Variants in TTK observed in about 807,000 individuals in gnomAD.
The protein encoded by TTK is TTK protein kinase.
TTK carries 59 observed loss-of-function variants against 117.3 expected under a neutral mutation model. The observed-to-expected ratio is 0.50, with a 90% CI of 0.41 to 0.62. TTK has a LOEUF of 0.62. TTK is among the 20% of genes least tolerant of loss of function. TTK has a pLI of 0.00. For missense variants in TTK, 921 were observed against 989.4 expected, an observed-to-expected ratio of 0.93 and a Z score of 0.93; for synonymous variants, 302 against 325.0, an observed-to-expected ratio of 0.93 and a Z score of 0.76.
chr6:80,036,647 T>C (rs1307194448), intron 17 of TTK, 48 bp downstream of exon 17: 1 of 1,543,624 alleles, frequency 6.5e-7, no homozygotes, highest in Admixed American at 2.1e-5. Context: ...ATTCTTTTTT[T>C]ACCTGTGAAG....
At chr6:80,023,138 G>C (rs1227859825) in intron 11 of TTK, among the ~76,000 whole-genome samples, 1 of 152,106 alleles carries the variant, frequency 6.6e-6, no homozygotes, top group Non-Finnish European at 1.5e-5. Context: ...AGTAAATATA[G>C]TAAAGGCTTT....
At chr6:80,034,612 A>T (rs2127682127) in intron 14 of TTK, among the ~76,000 whole-genome samples, 1 of 152,280 alleles carries the variant, frequency 6.6e-6, no homozygotes, top group South Asian at 2.1e-4. Flanking sequence ...AAAGGAGCAA[A>T]CTACTGCACC....
At chr6:80,028,279 T>C (rs1767659397) in intron 13 of TTK, among the ~76,000 whole-genome samples, 1 of 149,206 alleles carries the variant, frequency 6.7e-6, no homozygotes, top group African/African-American at 2.5e-5. Flanking sequence ...TGAATCAAGG[T>C]TACCTTTTAT....
chr6:80,032,276 T>C (rs1328437857), intron 14 of TTK, among the ~76,000 whole-genome samples: 1 of 152,268 alleles, frequency 6.6e-6, no homozygotes, highest in East Asian at 1.9e-4. Context: ...GCAGTGAAGC[T>C]TTTTTCCGCA....
chr6:80,006,075 CAT>C (rs745728913), intron 2 of TTK, 93 bp downstream of exon 2: 3 of 1,484,060 alleles, frequency 2.0e-6, no homozygotes, highest in South Asian at 2.4e-5. Context: ...ATAATTTACT[CAT>C]GTGTTTATTG....
In TTK at chr6:80,005,743, A is replaced by G. The variant is rs946605202; in HGVS notation, c.-2-99A>G. The G allele has an allele frequency of 2.9e-6, 4 of 1,392,290 alleles. No homozygotes were observed. In the Admixed American group the frequency reaches 9.1e-5, roughly 32 times the overall value. The allele number at this position is 1,392,290 out of a possible 1,614,324, so 86.2% of individuals were successfully genotyped here. A position where few individuals can be genotyped will look rare whatever the true frequency, so the allele number is the denominator to read the frequency against. ...ATAGCTGCATTTAGATGTGTTCACA[A>G]AACGAATGCTTTAGTCGTCTGGGTT... On this transcript the variant is annotated intron_variant, in intron 1 of 21. Coordinates refer to ENST00000369798, the MANE Select transcript of TTK (RefSeq NM_003318.5).
intron 13 of TTK, among the ~76,000 whole-genome samples, chr6:80,028,629 T>C (rs1004984080): frequency 6.6e-6 from 1 of 152,142 alleles, no homozygotes; most frequent in African/African-American, 2.4e-5. Flanking sequence ...GCGTTACTTT[T>C]TGTTGTGTTT....
At chr6:80,006,901 A>T (rs1321104919) in intron 2 of TTK, among the ~76,000 whole-genome samples, 1 of 152,184 alleles carries the variant, frequency 6.6e-6, no homozygotes, top group Non-Finnish European at 1.5e-5. Flanking sequence ...ATAAAAGTAA[A>T]GATGTAGGCT....
rs774853711 is a variant in TTK, at chr6:80,014,505, G to A, written c.1027G>A (p.Glu343Lys). 3 of 1,609,904 alleles carry A rather than the reference G, an allele frequency of 1.9e-6. No individual in the cohort carries two copies. The highest frequency in any genetic ancestry group is 2.5e-6 in the Non-Finnish European group (3 of 1,177,924). The change falls in exon 10 of 22, where the codon GAA becomes AAA. Residue 343 changes from glutamate (E) to lysine (K), a missense_variant. Physicochemically the swap from Glu to Lys is moderately conservative, Grantham distance 56. Transcript: ENST00000369798. ...SHFKEPLVSD[E>K]KSSELIITDS... is the part of the protein sequence containing the mutation. ...TTTCAAGGAACCTCTGGTGTCAGAT[G>A]AAAAGAGTTCTGAACTTATTATTAC...
In TTK at chr6:80,005,979, A is replaced by G. The variant is rs368624175; in HGVS notation, c.136A>G (p.Thr46Ala). The change falls in exon 2 of 22, where the codon ACA becomes GCA. Residue 46 changes from threonine to alanine, a missense_variant. Thr to Ala is a moderately conservative substitution (Grantham distance 58, BLOSUM62 0). Transcript: ENST00000369798. ...CTTGAATAAAATTTCTGCTGATACT[A>G]CAGGTGAGTTTTTCTTTTCTTTTAA... is the stretch of plus-strand genomic sequence containing the variant. ...LSLNKISADT[T>A]DNSGTVNQIM... The G allele has an allele frequency of 8.1e-6, 13 of 1,601,770 alleles. No homozygotes were observed. The Admixed American group carries it at 2.0e-4, about 24-fold the overall frequency.
Position 80,036,561 on chromosome 6 carries a change from A to G in TTK, c.2011A>G (p.Met671Val). Residue 671 changes from methionine to valine, a missense_variant, in exon 17 of 22, where the codon ATG (methionine) becomes GTG (valine). Coordinates refer to ENST00000369798, the MANE Select transcript of TTK (RefSeq NM_003318.5). ...AATTGATTTTGGGATTGCAAACCAAATGCAACCAGATACAACAAGTGTTGT... is the reference window on the plus strand; with the variant it reads ...AATTGATTTTGGGATTGCAAACCAAGTGCAACCAGATACAACAAGTGTTGT... ...KLIDFGIANQ[M>V]QPDTTSVVKD... The G allele has an allele frequency of 6.2e-7, 1 of 1,611,648 alleles. No homozygotes were observed. Among genetic ancestry groups the G allele is most frequent in the Non-Finnish European group, 8.5e-7 (1 of 1,178,806 alleles).
intron 16 of TTK, 151 bp from the exon 17 acceptor site, chr6:80,036,324 C>T (rs998746322): frequency 2.4e-6 from 2 of 829,064 alleles, no homozygotes; most frequent in Non-Finnish European, 3.6e-6. Context: ...ATAACAAGTG[C>T]TATGTAAATA....
chr6:80,030,826 T>G (rs1331086654), intron 13 of TTK, among the ~76,000 whole-genome samples: 1 of 152,168 alleles, frequency 6.6e-6, no homozygotes, highest in African/African-American at 2.4e-5. Context: ...CTCATTGACT[T>G]TGGAGCTCTT....
intron 11 of TTK, among the ~76,000 whole-genome samples, chr6:80,023,832 T>A (rs1767533574): frequency 6.6e-6 from 1 of 152,142 alleles, no homozygotes; most frequent in Admixed American, 6.5e-5. Context: ...TATATACTCA[T>A]GAGAAAATAA....
chr6:80,032,603 GA>G (rs1483957912), intron 14 of TTK, among the ~76,000 whole-genome samples: 1 of 152,060 alleles, frequency 6.6e-6, no homozygotes, highest in Admixed American at 6.6e-5. Context: ...TTTCCCATTT[GA>G]GTAAATGGCA....
intron 10 of TTK, among the ~76,000 whole-genome samples, chr6:80,019,797 A>G (rs1767409642): frequency 6.6e-6 from 1 of 152,212 alleles, no homozygotes; most frequent in Non-Finnish European, 1.5e-5. Context: ...TTATAGTCTT[A>G]TAACCTTGAT....
rs1444212566 is a variant in TTK at position 80,013,272 on chromosome 6, G to A, written c.897-7G>A. ...ATGTTAAAATTATTTTGTTTCACGG[G>A]TAAAAGACAAACCTCTAGATCAGAA... On this transcript the variant is annotated splice_region_variant and splice_polypyrimidine_tract_variant and intron_variant, in intron 8 of 21. Coordinates refer to ENST00000369798, the MANE Select transcript of TTK (RefSeq NM_003318.5). 2 of 1,579,710 alleles carry A rather than the reference G, an allele frequency of 1.3e-6. No homozygotes were observed. Among genetic ancestry groups the A allele is most frequent in the Middle Eastern group, 1.7e-4 (1 of 5,844 alleles).
intron 3 of TTK, 85 bp from the exon 4 acceptor site, chr6:80,008,301 T>C: frequency 7.4e-7 from 1 of 1,359,050 alleles, no homozygotes; most frequent in African/African-American, 1.5e-5. Context: ...ATATCCCATG[T>C]TTTTTGGAAA....
intron 10 of TTK, among the ~76,000 whole-genome samples, chr6:80,018,271 T>C (rs1767363867): frequency 6.6e-6 from 1 of 152,184 alleles, no homozygotes; most frequent in Admixed American, 6.5e-5. Flanking sequence ...GTAATTCTAA[T>C]AGTTTTCCAT....
Sources: allele counts gnomAD v4.1 joint callset (sites outside exome capture counted in the v4.1 genomes callset), GRCh38; gene constraint gnomAD v4.1.1; transcripts MANE v1.5; gene names NCBI Gene and HGNC (gene_info 2026-07-23, HGNC 2026-07-21).